The following ASTN2 variants were observed in gnomAD, a reference collection of about 807,000 sequenced individuals.
The protein encoded by ASTN2 is astrotactin-2.
ASTN2 carries 54 observed loss-of-function variants against 139.8 expected under a neutral mutation model. The observed-to-expected ratio is 0.39, with a 90% CI of 0.31 to 0.48. The LOEUF (loss-of-function observed/expected upper bound fraction) is 0.48, where lower values mean the gene tolerates loss of function less well. Ranked by LOEUF, ASTN2 falls within the 20% of genes least tolerant of loss-of-function variation. ASTN2 has a pLI of 0.95. For synonymous variants in ASTN2, 756 were observed against 719.5 expected, an observed-to-expected ratio of 1.05 and a Z score of -0.81; for missense variants, 1,565 against 1,725.1, an observed-to-expected ratio of 0.91 and a Z score of 1.64.
Position 116,698,564 on chromosome 9 carries a change from C to T in ASTN2, c.2806+27207G>A, listed in dbSNP as rs1861005593. The T allele has an allele frequency of 6.2e-7, 1 of 1,613,942 alleles. No homozygotes were observed. The highest frequency in any genetic ancestry group is 8.5e-7 in the Non-Finnish European group (1 of 1,179,996). Reference sequence around the variant, plus strand: ...CTGCCAGCTTGCCTCGGGAGCTCACCCTGCAAGATGTGGAGCTCCTTAAGG... The same window carrying T: ...CTGCCAGCTTGCCTCGGGAGCTCACTCTGCAAGATGTGGAGCTCCTTAAGG... On this transcript the variant is annotated intron_variant, in intron 16 of 22. Transcript: ENST00000313400. The surrounding 1 kb of genome is among the most constrained non-coding windows in gnomAD (Gnocchi z 4.4).
At chr9:116,683,353 A>G (rs1198225560) in intron 16 of ASTN2, among the ~76,000 whole-genome samples, 1 of 152,190 alleles carries the variant, frequency 6.6e-6, no homozygotes, top group Non-Finnish European at 1.5e-5. Context: ...GATATGATTT[A>G]GAGTACATTA....
At chr9:116,759,083 G>T (rs757781426) in intron 13 of ASTN2, among the ~76,000 whole-genome samples, 3 of 151,966 alleles carry the variant, frequency 2.0e-5, no homozygotes, top group Non-Finnish European at 4.4e-5. Context: ...TCCACATGTT[G>T]CCCAGGCTGG....
chr9:117,362,796 A>G (rs113424267), intron 1 of ASTN2, among the ~76,000 whole-genome samples: 2,846 of 152,172 alleles, frequency 0.019, 44 homozygotes, highest in Non-Finnish European at 0.031. Context: ...GATTCTAACC[A>G]TGAAAGTCCT....
At chr9:116,886,687 T>C (rs1222983514) in intron 10 of ASTN2, among the ~76,000 whole-genome samples, 2 of 151,166 alleles carry the variant, frequency 1.3e-5, no homozygotes, top group East Asian at 3.9e-4. Flanking sequence ...TGTTGTTTTG[T>C]TTTGTTTTTT....
chr9:116,511,196 A>T (rs546345319), intron 19 of ASTN2, among the ~76,000 whole-genome samples: 1 of 152,256 alleles, frequency 6.6e-6, no homozygotes, highest in East Asian at 1.9e-4. Flanking sequence ...TAACTTATTG[A>T]GAGTTTTTAG....
intron 13 of ASTN2, among the ~76,000 whole-genome samples, chr9:116,739,947 G>A (rs957809706): frequency 1.3e-5 from 2 of 152,204 alleles, no homozygotes; most frequent in Non-Finnish European, 1.5e-5. Flanking sequence ...AAAGCATATT[G>A]AGGATTTGAG....
At position 117,147,076 on chromosome 9, in the gene ASTN2, G is replaced by A. The variant is rs146658806; in HGVS notation, c.1016-5598C>T. On this transcript the variant is annotated intron_variant, in intron 3 of 22. Coordinates refer to ENST00000313400, the MANE Select transcript of ASTN2 (RefSeq NM_001365068.1). The stretch of plus-strand genomic sequence containing the variant: ...TATTTTTAAAAATAAGGGATAAAAG[G>A]GGGTGGACCCTGAGTCATTTTGCAA... 4.3e-3 allele frequency among the ~76,000 whole-genome samples: 655 copies of A among 152,148 alleles called. 4 individuals are homozygous for A. Among genetic ancestry groups the A allele is most frequent in the African/African-American group, 0.015 (611 of 41,500 alleles).
At chr9:116,921,353 C>T (rs1489365093) in intron 10 of ASTN2, among the ~76,000 whole-genome samples, 2 of 152,102 alleles carry the variant, frequency 1.3e-5, no homozygotes, top group Non-Finnish European at 2.9e-5. Flanking sequence ...CTTTGGGAGG[C>T]TGAGGCGGGC....
intron 1 of ASTN2, among the ~76,000 whole-genome samples, chr9:117,394,786 G>A (rs1199560073): frequency 6.6e-6 from 1 of 152,144 alleles, no homozygotes; most frequent in Non-Finnish European, 1.5e-5. Context: ...AAGCAATAGA[G>A]GCGGGTTGGG....
intron 19 of ASTN2, among the ~76,000 whole-genome samples, chr9:116,586,837 C>CACACACAT (rs747809012): frequency 0.041 from 6,063 of 149,098 alleles, 186 homozygotes; most frequent in Non-Finnish European, 0.06. Context: ...TACATACACA[C>CACACACAT]ACACACACAC....
At chr9:116,732,850 T>C (rs944896933) in intron 14 of ASTN2, among the ~76,000 whole-genome samples, 4 of 152,208 alleles carry the variant, frequency 2.6e-5, no homozygotes, top group Non-Finnish European at 4.4e-5. Context: ...TGTGTAACTT[T>C]GGACTGGTCC....
chr9:116,804,594 GTAGT>G (rs1461160228), intron 13 of ASTN2, among the ~76,000 whole-genome samples: 1 of 152,058 alleles, frequency 6.6e-6, no homozygotes, highest in Non-Finnish European at 1.5e-5. Flanking sequence ...ATTATTGTTA[GTAGT>G]TAGTAGTAAA....
intron 19 of ASTN2, among the ~76,000 whole-genome samples, chr9:116,498,892 A>G (rs1849761056): frequency 6.6e-6 from 1 of 152,204 alleles, no homozygotes; most frequent in South Asian, 2.1e-4. Flanking sequence ...GAATGCCAAT[A>G]CACTAACTCA....
At chr9:116,580,533 A>G (rs1439712983) in intron 19 of ASTN2, among the ~76,000 whole-genome samples, 3 of 152,122 alleles carry the variant, frequency 2.0e-5, no homozygotes, top group African/African-American at 7.2e-5. Flanking sequence ...TGTGTTCTAA[A>G]CCTGTGCTTT....
In ASTN2 at chr9:117,386,875, G is replaced by A. The variant is rs552248745; in HGVS notation, c.442+27622C>T. 8.5e-5 allele frequency among the ~76,000 whole-genome samples: 13 copies of A among 152,282 alleles called. No individual in the cohort carries two copies. The South Asian group carries it at 2.3e-3, about 27-fold the overall frequency. ...TACTTTCTCCCTAGGAGAAAGAAGA[G>A]CAACACTTTGTGTTGTAAAAGAAAG... On this transcript the variant is annotated intron_variant, in intron 1 of 22. Transcript: ENST00000313400.
intron 3 of ASTN2, among the ~76,000 whole-genome samples, chr9:117,213,562 T>C (rs1212007944): frequency 1.3e-5 from 2 of 152,182 alleles, no homozygotes; most frequent in African/African-American, 2.4e-5. Context: ...TCCATAAATA[T>C]GTACGAACAT....
chr9:116,877,951 GA>G (rs1228746416), intron 10 of ASTN2, among the ~76,000 whole-genome samples: 1 of 152,048 alleles, frequency 6.6e-6, no homozygotes, highest in African/African-American at 2.4e-5. Context: ...ACAAACATAT[GA>G]AAAAAAGCTC....
chr9:116,979,372 C>T (rs1008676598), intron 7 of ASTN2, among the ~76,000 whole-genome samples: 2 of 152,006 alleles, frequency 1.3e-5, no homozygotes, highest in African/African-American at 4.8e-5. Flanking sequence ...GTACTCCTTC[C>T]CTGCAACATC....
chr9:117,393,429 C>A (rs561064398), intron 1 of ASTN2, among the ~76,000 whole-genome samples: 1 of 150,374 alleles, frequency 6.7e-6, no homozygotes, highest in East Asian at 1.9e-4. Context: ...AAATAGAAAG[C>A]GAGAGAAAAA....
Sources: gnomAD v4.1 joint callset for allele counts (sites outside exome capture counted in the v4.1 genomes callset) on GRCh38, gnomAD v4.1.1 for gene constraint, Gnocchi (gnomAD v3.1) non-coding constraint, MANE v1.5 for transcripts, NCBI Gene and HGNC (gene_info 2026-07-23, HGNC 2026-07-21) for gene names.